Variants in PEX1 observed in about 807,000 individuals in gnomAD.
PEX1 encodes the protein peroxisomal ATPase PEX1.
In PEX1, 97 loss-of-function variants were observed where a neutral mutation model predicts 152.5. That is an observed-to-expected ratio of 0.64 (90% CI 0.54 to 0.75). PEX1 has a LOEUF of 0.75. Among genes scored for constraint, PEX1 ranks in the 30% least tolerant of loss-of-function variants. The probability of loss-of-function intolerance (pLI) is 0.00; values close to 1 mark genes in which losing one functional copy is unlikely to be tolerated. For missense variants in PEX1, 1,357 were observed against 1,516.3 expected (o/e 0.89, Z 1.74); for synonymous variants, 485 against 531.6 (o/e 0.91, Z 1.21).
chr7:92,505,469 TGTATTCATTTATACCCA>T (rs1021493531), intron 11 of PEX1, among the ~76,000 whole-genome samples: 9 of 151,386 alleles, frequency 5.9e-5, no homozygotes, highest in African/African-American at 2.2e-4. Flanking sequence ...CCTGTATGCA[TGTATTCATTTATACCCA>T]GTTTCATCCC....
chr7:92,505,395 A>G (rs1792140715), intron 11 of PEX1, among the ~76,000 whole-genome samples: 1 of 146,664 alleles, frequency 6.8e-6, no homozygotes. Context: ...CCTGGGCTAC[A>G]GAGCAAGACT....
chr7:92,517,335 A>G lies in PEX1; in HGVS notation c.1180T>C (p.Leu394=), dbSNP rs1202226565. 8 of 1,613,660 alleles carry G rather than the reference A, an allele frequency of 5.0e-6. No individual in the cohort carries two copies. The South Asian group carries it at 8.8e-5, about 18-fold the overall frequency. Residue 394 remains leucine, a synonymous_variant, in exon 5 of 24, where the codon TTG becomes CTG. Transcript: ENST00000248633. ...LQVVWNGLEE[L]NNAIKYTKNV... is the part of the protein sequence containing the mutation. ...TTGGTATATTTGATGGCATTGTTCA[A>G]TTCTTCAAGTCCATTCCAGACTACT...
At chr7:92,514,673 CT>C (rs1792639935) in intron 5 of PEX1, among the ~76,000 whole-genome samples, 1 of 152,134 alleles carries the variant, frequency 6.6e-6, no homozygotes. Flanking sequence ...CTCCCACCCC[CT>C]AATGAAAATG....
In PEX1 at chr7:92,517,422, G is replaced by A; in HGVS notation, c.1093C>T (p.Leu365=). Residue 365 remains leucine, a synonymous_variant, in exon 5 of 24, where the codon CTA becomes TTA. Coordinates refer to ENST00000248633, the MANE Select transcript of PEX1 (RefSeq NM_000466.3). ...PEKEKQMSEP[L]DQKKIRSDHN... ...TCTGACCTAATTTTTTTTTGATCTA[G>A]TGGCTCTGACATCTGCTTCTCTTTT... 6.2e-7 allele frequency: 1 copy of A among 1,613,622 alleles called. No individual in the cohort carries two copies. Among genetic ancestry groups the A allele is most frequent in the Non-Finnish European group, 8.5e-7 (1 of 1,179,916 alleles).
At position 92,517,411 on chromosome 7, in the gene PEX1, T is replaced by G. The variant is rs2116243334; in HGVS notation, c.1104A>C (p.Lys368Asn). 1 of 1,614,048 alleles carries G rather than the reference T, an allele frequency of 6.2e-7. No homozygotes were observed. Among genetic ancestry groups the G allele is most frequent in the Non-Finnish European group, 8.5e-7 (1 of 1,180,012 alleles). The part of the protein sequence containing the change: ...EKQMSEPLDQ[K>N]KIRSDHNEED... Reference sequence around the variant, plus strand: ...CTTCATTATGATCTGACCTAATTTTTTTTTGATCTAGTGGCTCTGACATCT... The same window carrying G: ...CTTCATTATGATCTGACCTAATTTTGTTTTGATCTAGTGGCTCTGACATCT... The change falls in exon 5 of 24, where the codon AAA becomes AAC. Residue 368 changes from lysine (K) to asparagine (N), a missense_variant. Coordinates refer to ENST00000248633, the MANE Select transcript of PEX1 (RefSeq NM_000466.3).
At chr7:92,495,960 A>G (rs934407288) in intron 17 of PEX1, among the ~76,000 whole-genome samples, 1 of 152,096 alleles carries the variant, frequency 6.6e-6, no homozygotes, top group Non-Finnish European at 1.5e-5. Context: ...ACATCTAACA[A>G]TTTTAATGGA....
chr7:92,523,594 C>T (rs1793142879), intron 1 of PEX1, among the ~76,000 whole-genome samples: 1 of 151,972 alleles, frequency 6.6e-6, no homozygotes, highest in Admixed American at 6.5e-5. Flanking sequence ...GTCGGGATTA[C>T]AGGCATGAGC....
chr7:92,510,807 T>C, intron 8 of PEX1, 137 bp downstream of exon 8: 1 of 568,888 alleles, frequency 1.8e-6, no homozygotes, highest in Non-Finnish European at 3.2e-6. Context: ...TAAAATATTT[T>C]AAATCAAGTT....
chr7:92,527,964 G>A (rs140638789), intron 1 of PEX1, among the ~76,000 whole-genome samples: 4 of 152,394 alleles, frequency 2.6e-5, no homozygotes, highest in East Asian at 1.9e-4. Context: ...AACTGGAAAT[G>A]GCTGGCAAGG....
chr7:92,490,766 G>A (rs1227289392), intron 21 of PEX1, among the ~76,000 whole-genome samples: 1 of 151,868 alleles, frequency 6.6e-6, no homozygotes, highest in Non-Finnish European at 1.5e-5. Context: ...TTAATTTTTA[G>A]AAGAGATGTT....
intron 6 of PEX1, among the ~76,000 whole-genome samples, chr7:92,512,350 G>T (rs955764350): frequency 2.6e-5 from 4 of 151,996 alleles, no homozygotes; most frequent in Middle Eastern, 3.2e-3. Context: ...AATTTTTTTT[G>T]AGATATTGCC....
At chr7:92,526,080 TG>T (rs763864401) in intron 1 of PEX1, among the ~76,000 whole-genome samples, 32 of 152,194 alleles carry the variant, frequency 2.1e-4, no homozygotes, top group Admixed American at 4.6e-4. Flanking sequence ...ATTAGCTGCA[TG>T]GCAATGGTAC....
At chr7:92,509,474 G>T in intron 8 of PEX1, 63 bp from the exon 9 acceptor site, 1 of 1,224,116 alleles carries the variant, frequency 8.2e-7, no homozygotes. Flanking sequence ...GTTTTTCTCG[G>T]GTCCCAGAAA....
intron 2 of PEX1, 75 bp downstream of exon 2, chr7:92,522,027 C>G (rs1232544129): frequency 6.7e-7 from 1 of 1,502,018 alleles, no homozygotes; most frequent in Non-Finnish European, 9.2e-7. Context: ...AACAAAAAAT[C>G]TAAACTTTTA....
chr7:92,517,996 G>A lies in PEX1; in HGVS notation c.519C>T (p.Thr173=). 6.2e-7 allele frequency: 1 copy of A among 1,613,986 alleles called. No homozygotes were observed. Among genetic ancestry groups the A allele is most frequent in the Non-Finnish European group, 8.5e-7 (1 of 1,179,968 alleles). The part of the protein sequence containing the change: ...AASYGRLETD[T]KLLIQPKTRR... Reference sequence around the variant, plus strand: ...GTGTCTTTGGCTGAATAAGGAGTTTGGTGTCAGTTTCCAGCCTTCCATAAG... The same window carrying A: ...GTGTCTTTGGCTGAATAAGGAGTTTAGTGTCAGTTTCCAGCCTTCCATAAG... Residue 173 remains threonine (T), a synonymous_variant, in exon 5 of 24, where the codon ACC becomes ACT. Transcript: ENST00000248633.
intron 7 of PEX1, 138 bp downstream of exon 7, chr7:92,511,442 C>A (rs1482940127): frequency 2.6e-6 from 2 of 766,278 alleles, no homozygotes; most frequent in African/African-American, 3.5e-5. Context: ...TTTTTCAATA[C>A]ATAAAAACTA....
In PEX1 at chr7:92,517,397, T is replaced by G; in HGVS notation, c.1118A>C (p.Asp373Ala). 2.5e-6 allele frequency: 4 copies of G among 1,614,012 alleles called. No individual in the cohort carries two copies. The highest frequency in any genetic ancestry group is 3.4e-6 in the Non-Finnish European group (4 of 1,179,964). Residue 373 changes from aspartate to alanine, a missense_variant, in exon 5 of 24, where the codon GAT becomes GCT. Transcript: ENST00000248633. Reference protein sequence around the residue: ...EPLDQKKIRSDHNEEDEKACV... With the variant: ...EPLDQKKIRSAHNEEDEKACV... ...GGCCTTCTCATCTTCTTCATTATGATCTGACCTAATTTTTTTTTGATCTAG... is the reference window on the plus strand; with the variant it reads ...GGCCTTCTCATCTTCTTCATTATGAGCTGACCTAATTTTTTTTTGATCTAG...
At chr7:92,513,772 T>C (rs1394576672) in intron 6 of PEX1, 76 bp downstream of exon 6, 1 of 1,065,468 alleles carries the variant, frequency 9.4e-7, no homozygotes, top group Non-Finnish European at 1.4e-6. Context: ...AACATTCTTA[T>C]TACTTAGCTA....
At chr7:92,494,741 CTTCTT>C (rs1474961336) in intron 17 of PEX1, 112 bp from the exon 18 acceptor site, 1 of 639,360 alleles carries the variant, frequency 1.6e-6, no homozygotes, top group South Asian at 3.9e-5. Flanking sequence ...TATTTATATA[CTTCTT>C]TTAATTTTTA....
Sources: allele counts gnomAD v4.1 joint callset (sites outside exome capture counted in the v4.1 genomes callset), GRCh38; gene constraint gnomAD v4.1.1; transcripts MANE v1.5; gene names NCBI Gene and HGNC (gene_info 2026-07-23, HGNC 2026-07-21).